CCDC88A: variants seen among roughly 807,000 people sequenced by gnomAD.
CCDC88A encodes coiled-coil and HOOK domain protein 88A, also known as girdin.
A neutral mutation model predicts 234.3 loss-of-function variants in CCDC88A; 54 were observed. The observed-to-expected ratio is 0.23, with a 90% CI of 0.19 to 0.29. The LOEUF (loss-of-function observed/expected upper bound fraction) is 0.29, where lower values mean the gene tolerates loss of function less well. CCDC88A is among the 10% of genes least tolerant of loss of function. The probability of loss-of-function intolerance (pLI) is 1.00; values close to 1 mark genes in which losing one functional copy is unlikely to be tolerated. For missense variants in CCDC88A, 1,832 were observed against 2,123.4 expected (o/e 0.86, Z 2.70); for synonymous variants, 753 against 737.8 (o/e 1.02, Z -0.33).
At chr2:55,385,886 G>C (rs777300265) in intron 3 of CCDC88A, among the ~76,000 whole-genome samples, 22 of 123,584 alleles carry the variant, frequency 1.8e-4, no homozygotes, top group Non-Finnish European at 3.5e-4. Flanking sequence ...AAAAAAGACA[G>C]CTTAAGTAAC....
chr2:55,373,207 ATCT>A (rs1673095329), intron 4 of CCDC88A, among the ~76,000 whole-genome samples: 1 of 152,262 alleles, frequency 6.6e-6, no homozygotes, highest in African/African-American at 2.4e-5. Flanking sequence ...AAAAGTCCAA[ATCT>A]TCTTATCAGA....
chr2:55,317,952 A>G lies in CCDC88A; in HGVS notation c.3325-111T>C, dbSNP rs920434664. 9.3e-6 allele frequency: 7 copies of G among 754,764 alleles called. No individual in the cohort carries two copies. The Admixed American group carries it at 1.1e-4, about 11-fold the overall frequency. 46.8% of individuals were successfully genotyped at this position (754,764 alleles called of 1,614,324 possible). On this transcript the variant is annotated intron_variant, in intron 19 of 32. Transcript: ENST00000436346. This position sits in a 1 kb window ranked among gnomAD's most constrained non-coding sequence, Gnocchi z 4.2. Reference sequence around the variant, plus strand: ...AAGCTCTAAATGAATCACAGCACACATATTTACATTATACTGGGAAGACGT... The same window carrying G: ...AAGCTCTAAATGAATCACAGCACACGTATTTACATTATACTGGGAAGACGT...
intron 25 of CCDC88A, among the ~76,000 whole-genome samples, chr2:55,307,359 AT>A (rs58399854): frequency 0.088 from 12,417 of 140,342 alleles, 1,108 homozygotes; most frequent in African/African-American, 0.25. Context: ...TCTTCACCTA[AT>A]TTTTTTTTTT....
At chr2:55,374,023 T>G (rs938635236) in intron 4 of CCDC88A, among the ~76,000 whole-genome samples, 1 of 152,162 alleles carries the variant, frequency 6.6e-6, no homozygotes, top group Non-Finnish European at 1.5e-5. Flanking sequence ...AAGAAAAAAT[T>G]AAATGATCTA....
chr2:55,377,755 G>A (rs184266969), intron 3 of CCDC88A, among the ~76,000 whole-genome samples: 11 of 151,952 alleles, frequency 7.2e-5, no homozygotes, highest in Admixed American at 2.0e-4. Context: ...GATTACAGGC[G>A]CACGCCACCA....
At position 55,336,796 on chromosome 2, in the gene CCDC88A, A is replaced by C. The variant is rs867840638; in HGVS notation, c.1541T>G (p.Ile514Ser). 5 of 1,581,414 alleles carry C rather than the reference A, an allele frequency of 3.2e-6. No individual in the cohort carries two copies. Among genetic ancestry groups the C allele is most frequent in the Middle Eastern group, 3.3e-4 (2 of 6,002 alleles). The change falls in exon 14 of 33, where the codon ATT (isoleucine) becomes AGT (serine). Residue 514 changes from isoleucine (I) to serine (S), a missense_variant. This residue lies in a region of CCDC88A where 1,282 missense variants were observed against 1,543.6 expected (regional missense o/e 0.83). Coordinates refer to ENST00000436346, the MANE Select transcript of CCDC88A (RefSeq NM_001365480.1). The part of the protein sequence containing the change: ...SKKVEILENE[I>S]VQEKQSLQNC... ...CTGAAGACTTTGCTTTTCTTGAACA[A>C]TCTCATTTTCAAGAATCTCAACCTA...
chr2:55,330,409 G>A (rs1380757034), intron 16 of CCDC88A, among the ~76,000 whole-genome samples: 1 of 152,018 alleles, frequency 6.6e-6, no homozygotes, highest in African/African-American at 2.4e-5. Context: ...GGAGGCGGAG[G>A]TTGCAGTGAG....
chr2:55,308,756 T>C, intron 25 of CCDC88A, 53 bp downstream of exon 25: 3 of 1,400,894 alleles, frequency 2.1e-6, no homozygotes, highest in Non-Finnish European at 2.0e-6. Flanking sequence ...TTTTAAAAAA[T>C]CTTTAGAAAG....
chr2:55,307,896 C>T (rs1681818240), intron 25 of CCDC88A: 1 of 152,118 alleles, frequency 6.6e-6, no homozygotes, highest in East Asian at 1.9e-4. Flanking sequence ...TCAAGTGATT[C>T]TCCTGCTTCA....
chr2:55,301,720 A>T (rs971891565), intron 27 of CCDC88A, 152 bp downstream of exon 27: 20 of 664,938 alleles, frequency 3.0e-5, no homozygotes, highest in Non-Finnish European at 4.6e-5. Flanking sequence ...TATATTTTTA[A>T]AATGATTTGA....
intron 8 of CCDC88A, among the ~76,000 whole-genome samples, chr2:55,351,577 C>A (rs965814746): frequency 2.6e-5 from 4 of 152,186 alleles, no homozygotes; most frequent in African/African-American, 9.7e-5. Context: ...AACTCCTGAG[C>A]TCAAGCAATC....
At chr2:55,294,606 T>G (rs1679804610) in intron 31 of CCDC88A, 1 of 987,212 alleles carries the variant, frequency 1.0e-6, no homozygotes, top group African/African-American at 1.8e-5. Flanking sequence ...GTACACATTC[T>G]GGAAGAAAAA....
intron 2 of CCDC88A, among the ~76,000 whole-genome samples, chr2:55,401,945 T>C (rs1678774198): frequency 6.6e-6 from 1 of 152,152 alleles, no homozygotes; most frequent in Admixed American, 6.5e-5. Flanking sequence ...GTACTATACA[T>C]ATACTTTACT....
intron 23 of CCDC88A, among the ~76,000 whole-genome samples, chr2:55,311,047 A>G (rs1682290913): frequency 6.6e-6 from 1 of 152,248 alleles, no homozygotes; most frequent in Admixed American, 6.5e-5. Flanking sequence ...TCTAGATACA[A>G]GCACTTTCAC....
At chr2:55,345,176 T>TTTAAATAACTGGCAAATAA (rs1668943630) in intron 10 of CCDC88A, among the ~76,000 whole-genome samples, 1 of 152,208 alleles carries the variant, frequency 6.6e-6, no homozygotes, top group African/African-American at 2.4e-5. Context: ...TACACAAGTC[T>TTTAAATAACTGGCAAATAA]TTAAATAACT....
intron 5 of CCDC88A, among the ~76,000 whole-genome samples, chr2:55,368,024 C>T (rs189092203): frequency 2.0e-5 from 3 of 152,252 alleles, no homozygotes; most frequent in Admixed American, 6.5e-5. Context: ...AATTTCCAAA[C>T]AAAACACTGC....
chr2:55,377,455 G>T (rs1453391821), intron 3 of CCDC88A, among the ~76,000 whole-genome samples: 1 of 138,388 alleles, frequency 7.2e-6, no homozygotes, highest in African/African-American at 2.7e-5. Context: ...ACCGTGCCCA[G>T]CGAGATTTTT....
intron 7 of CCDC88A, among the ~76,000 whole-genome samples, chr2:55,361,450 T>G (rs1214481891): frequency 6.6e-6 from 1 of 152,196 alleles, no homozygotes; most frequent in Non-Finnish European, 1.5e-5. Context: ...GTTTAATGCC[T>G]GAAGAAAAAT....
intron 10 of CCDC88A, among the ~76,000 whole-genome samples, chr2:55,345,129 A>G (rs1380148575): frequency 6.6e-6 from 1 of 152,234 alleles, no homozygotes; most frequent in Non-Finnish European, 1.5e-5. Flanking sequence ...ATACTAAGAC[A>G]GTGGTATTCA....
Sources: allele counts gnomAD v4.1 joint callset (sites outside exome capture counted in the v4.1 genomes callset), GRCh38; gene constraint gnomAD v4.1.1; regional missense constraint gnomAD v4.1.1; non-coding constraint Gnocchi (gnomAD v3.1); transcripts MANE v1.5; gene names NCBI Gene and HGNC (gene_info 2026-07-23, HGNC 2026-07-21).